The following PRMT8 variants were observed in gnomAD, a reference collection of about 807,000 sequenced individuals.
PRMT8 encodes the protein protein arginine N-methyltransferase 8.
PRMT8 carries 7 observed loss-of-function variants against 47.1 expected under a neutral mutation model. The ratio of observed to expected loss-of-function variants is 0.15; its 90% CI spans 0.08 to 0.28. PRMT8 has a LOEUF of 0.28. PRMT8 is among the 10% of genes least tolerant of loss of function. The pLI is 1.00. For missense variants in PRMT8, 237 were observed against 505.4 expected, an observed-to-expected ratio of 0.47 and a Z score of 5.09; for synonymous variants, 188 against 186.5, an observed-to-expected ratio of 1.01 and a Z score of -0.07.
At chr12:3,543,670 G>A (rs2137168706) in intron 2 of PRMT8, among the ~76,000 whole-genome samples, 1 of 152,336 alleles carries the variant, frequency 6.6e-6, no homozygotes. Flanking sequence ...CACAGCAGGG[G>A]GTGACTCTGG....
At chr12:3,567,952 A>G (rs1187713871) in intron 4 of PRMT8, among the ~76,000 whole-genome samples, 1 of 152,144 alleles carries the variant, frequency 6.6e-6, no homozygotes, top group African/African-American at 2.4e-5. Context: ...ACATGCCTGT[A>G]ATCCCAGCTA....
At chr12:3,405,302 C>T (rs780681602) in intron 1 of PRMT8, among the ~76,000 whole-genome samples, 12 of 152,136 alleles carry the variant, frequency 7.9e-5, no homozygotes, top group East Asian at 5.8e-4. Context: ...TACCTCCCAC[C>T]GGGTCCCTCC....
chr12:3,405,233 G>T (rs1364133755), intron 1 of PRMT8, among the ~76,000 whole-genome samples: 1 of 152,150 alleles, frequency 6.6e-6, no homozygotes, highest in Non-Finnish European at 1.5e-5. Context: ...ATCAGATCTT[G>T]TGAAAACTCA....
chr12:3,522,790 CA>C (rs534813428), intron 1 of PRMT8, among the ~76,000 whole-genome samples: 1 of 147,354 alleles, frequency 6.8e-6, no homozygotes, highest in South Asian at 2.1e-4. Flanking sequence ...AACAAACAAA[CA>C]AAAAACAAAC....
intron 8 of PRMT8, among the ~76,000 whole-genome samples, chr12:3,588,833 A>T (rs1001130196): frequency 2.5e-4 from 38 of 152,342 alleles, no homozygotes; most frequent in African/African-American, 8.7e-4. Flanking sequence ...CATCTTCAGA[A>T]TGGGGAAGGC....
At chr12:3,568,669 C>A in intron 4 of PRMT8, 37 bp from the exon 5 acceptor site, 4 of 1,613,088 alleles carry the variant, frequency 2.5e-6, no homozygotes, top group Non-Finnish European at 3.4e-6. Flanking sequence ...TGGGTGGGGT[C>A]CCTGCAAAGT....
chr12:3,511,116 A>AT (rs1353263603), intron 1 of PRMT8, among the ~76,000 whole-genome samples: 1 of 152,020 alleles, frequency 6.6e-6, no homozygotes, highest in Non-Finnish European at 1.5e-5. Context: ...CAGATCTTAC[A>AT]TTTTGCTCTT....
chr12:3,393,241 G>T (rs1319623511), intron 1 of PRMT8, among the ~76,000 whole-genome samples: 13 of 152,040 alleles, frequency 8.6e-5, no homozygotes, highest in African/African-American at 2.7e-4. Context: ...GTCAATTTTG[G>T]CTTTTGTTGC....
At position 3,593,398 on chromosome 12, in the gene PRMT8, A is replaced by G; in HGVS notation, c.*216A>G. ...GCTCTGCCCTGGTAGCCCTTCACGA[A>G]GGCTTTGTGTTGCCAACAAAGAGCG... On this transcript the variant is annotated 3_prime_UTR_variant, in exon 10 of 10. Coordinates refer to ENST00000382622, the MANE Select transcript of PRMT8 (RefSeq NM_019854.5). The surrounding 1 kb of genome is among the most constrained non-coding windows in gnomAD (Gnocchi z 4.8). 2 of 540,874 alleles carry G rather than the reference A, an allele frequency of 3.7e-6. No individual in the cohort carries two copies. Among genetic ancestry groups the G allele is most frequent in the Non-Finnish European group, 6.5e-6 (2 of 308,344 alleles). 33.5% of individuals were successfully genotyped at this position (540,874 alleles called of 1,614,324 possible).
In PRMT8 at chr12:3,456,912, T is replaced by C. The variant is rs965409769; in HGVS notation, c.48+75470T>C. Reference sequence around the variant, plus strand: ...AGAGGACAGGTGCGTCTTTTCTTGCTGTGGCTGACGTCCTAGCCGTGTTAA... The same window carrying C: ...AGAGGACAGGTGCGTCTTTTCTTGCCGTGGCTGACGTCCTAGCCGTGTTAA... On this transcript the variant is annotated intron_variant, in intron 1 of 9. Coordinates refer to the PRMT8 transcript ENST00000452611. The surrounding 1 kb of genome is among the most constrained non-coding windows in gnomAD (Gnocchi z 4.2). Among the ~76,000 whole-genome samples the C allele has an allele frequency of 6.6e-6, 1 of 152,198 alleles. No individual in the cohort carries two copies. The highest frequency in any genetic ancestry group is 1.5e-5 in the Non-Finnish European group (1 of 68,038).
intron 1 of PRMT8, among the ~76,000 whole-genome samples, chr12:3,479,481 G>A (rs1473767757): frequency 6.6e-6 from 1 of 152,306 alleles, no homozygotes; most frequent in Non-Finnish European, 1.5e-5. Flanking sequence ...CCTAGAAGAA[G>A]CCCTTGAAGC....
intron 8 of PRMT8, among the ~76,000 whole-genome samples, chr12:3,590,414 C>A (rs1294709704): frequency 6.6e-6 from 1 of 152,170 alleles, no homozygotes; most frequent in African/African-American, 2.4e-5. Context: ...TGTGTGAACA[C>A]CTGCCAGGGT....
chr12:3,540,613 G>GCCCCCCCAGCC lies in PRMT8; in HGVS notation c.90_91insAGCCCCCCCCC (p.Gln32ProfsTer38). The GCCCCCCCAGCC allele has an allele frequency of 8.8e-7, 1 of 1,130,522 alleles. No homozygotes were observed. The highest frequency in any genetic ancestry group is 1.3e-6 in the Non-Finnish European group (1 of 752,492). The allele number at this position is 1,130,522 out of a possible 1,614,324, so 70.0% of individuals were successfully genotyped here. On this transcript the variant is annotated frameshift_variant, in exon 2 of 10. Coordinates refer to ENST00000382622, the MANE Select transcript of PRMT8 (RefSeq NM_019854.5). LOFTEE classifies it high-confidence loss of function. ...CCCTTCTCTTCCCCTCAGGTGAACA[G>GCCCCCCCAGCC]CCCCCCCTCCCAGCCCCCCCAGCCC...
At position 3,519,247 on chromosome 12, in the gene PRMT8, A is replaced by G. The variant is rs552426367; in HGVS notation, c.76-21359A>G. Among the ~76,000 whole-genome samples the G allele has an allele frequency of 1.7e-3, 253 of 152,284 alleles. 1 individual carries two copies. The highest frequency in any genetic ancestry group is 9.1e-4 in the African/African-American group (38 of 41,572). On this transcript the variant is annotated intron_variant, in intron 1 of 9. Coordinates refer to ENST00000382622, the MANE Select transcript of PRMT8 (RefSeq NM_019854.5). ...AGGGAATGACAGAGAGAGAGAGAGAAAAAGAAAATAAGCGAGATAGAGACT... is the reference window on the plus strand; with the variant it reads ...AGGGAATGACAGAGAGAGAGAGAGAGAAAGAAAATAAGCGAGATAGAGACT...
intron 4 of PRMT8, among the ~76,000 whole-genome samples, chr12:3,560,375 A>C (rs1171352857): frequency 6.6e-6 from 1 of 152,192 alleles, no homozygotes; most frequent in East Asian, 1.9e-4. Context: ...GGAGTTATTC[A>C]CATGTAGACA....
chr12:3,539,504 C>CT (rs1198729161), intron 1 of PRMT8, among the ~76,000 whole-genome samples: 1 of 152,144 alleles, frequency 6.6e-6, no homozygotes, highest in Non-Finnish European at 1.5e-5. Context: ...GATAATACTC[C>CT]TTTTTTTATT....
chr12:3,403,876 CAAAAAA>C (rs1315547758), intron 1 of PRMT8, among the ~76,000 whole-genome samples: 1 of 75,184 alleles, frequency 1.3e-5, no homozygotes, highest in Admixed American at 1.7e-4. Context: ...GACTCTGTCT[CAAAAAA>C]AAAAAAAAAA....
At chr12:3,556,902 C>T (rs1866537904) in intron 4 of PRMT8, among the ~76,000 whole-genome samples, 1 of 152,126 alleles carries the variant, frequency 6.6e-6, no homozygotes, top group Non-Finnish European at 1.5e-5. Flanking sequence ...TGGTCTTTGC[C>T]TTGCACAGGT....
At chr12:3,554,413 G>A (rs766738395) in intron 4 of PRMT8, among the ~76,000 whole-genome samples, 1 of 152,240 alleles carries the variant, frequency 6.6e-6, no homozygotes, top group Non-Finnish European at 1.5e-5. Flanking sequence ...CAGTGCTGGG[G>A]AGAACATCAG....
Sources: gnomAD v4.1 joint callset for allele counts (sites outside exome capture counted in the v4.1 genomes callset) on GRCh38, gnomAD v4.1.1 for gene constraint, Gnocchi (gnomAD v3.1) non-coding constraint, MANE v1.5 for transcripts, NCBI Gene and HGNC (gene_info 2026-07-23, HGNC 2026-07-21) for gene names.